Variants in ESD observed in about 807,000 individuals in gnomAD.
The protein encoded by ESD is S-formylglutathione hydrolase.
A neutral mutation model predicts 38.1 loss-of-function variants in ESD; 34 were observed. That is an observed-to-expected ratio of 0.89 (90% CI 0.68 to 1.19). ESD has a LOEUF of 1.19. Among genes scored for constraint, ESD ranks in the 50% most tolerant of loss-of-function variants. The probability of loss-of-function intolerance (pLI) is 0.00; values close to 1 mark genes in which losing one functional copy is unlikely to be tolerated. For synonymous variants in ESD, 97 were observed against 107.0 expected (o/e 0.91, Z 0.58); for missense variants, 334 against 327.2 (o/e 1.02, Z -0.16).
In ESD at chr13:46,778,753, A is replaced by G. The variant is rs549619249; in HGVS notation, c.601-1130T>C. 4.6e-5 allele frequency among the ~76,000 whole-genome samples: 7 copies of G among 151,950 alleles called. No individual in the cohort carries two copies. In the South Asian group the frequency reaches 6.2e-4, roughly 13 times the overall value. On this transcript the variant is annotated intron_variant, in intron 8 of 9. Coordinates refer to ENST00000378720, the MANE Select transcript of ESD (RefSeq NM_001984.2). ...ATGTACATGCAATGTCAGTTCTCAA[A>G]GGACCTAATCCTAAATCATTTCTAG...
rs1874836298 is a variant in ESD at position 46,777,464 on chromosome 13, A to G, written c.760T>C (p.Leu254=). ...TEKKIPVVFR[L]QEGYDHSYYF... The stretch of plus-strand genomic sequence containing the variant: ...AGTTTCCTAATACTTGCCTCTTGCA[A>G]TCGAAAAACAACGGGGATTTTCTTT... Residue 254 remains leucine, a synonymous_variant, in exon 9 of 10, where the codon TTG becomes CTG. Transcript: ENST00000378720. 1.2e-6 allele frequency: 2 copies of G among 1,603,168 alleles called. No homozygotes were observed. The highest frequency in any genetic ancestry group is 2.2e-5 in the East Asian group (1 of 44,722).
At chr13:46,776,672 T>C (rs1371046013) in intron 9 of ESD, 1 of 152,124 alleles carries the variant, frequency 6.6e-6, no homozygotes, top group African/African-American at 2.4e-5. Context: ...CATTACACAC[T>C]GATCTAGATT....
chr13:46,791,276 T>G lies in ESD; in HGVS notation c.68+70A>C, dbSNP rs534908517. 196 of 1,130,650 alleles carry G rather than the reference T, an allele frequency of 1.7e-4. 1 individual carries two copies. Among genetic ancestry groups the G allele is most frequent in the Middle Eastern group, 8.0e-4 (4 of 4,974 alleles). The allele number at this position is 1,130,650 out of a possible 1,614,324, so 70.0% of individuals were successfully genotyped here. Reference sequence around the variant, plus strand: ...AGGTACTATAATATCTAGATAAAGATTGGTTTTAAAATAGAACAAAATAAT... The same window carrying G: ...AGGTACTATAATATCTAGATAAAGAGTGGTTTTAAAATAGAACAAAATAAT... On this transcript the variant is annotated intron_variant, in intron 3 of 9. Transcript: ENST00000378720.
chr13:46,789,544 C>T (rs1246955082), intron 3 of ESD, among the ~76,000 whole-genome samples: 2 of 106,316 alleles, frequency 1.9e-5, no homozygotes, highest in Non-Finnish European at 4.3e-5. Flanking sequence ...ATCCATTGTA[C>T]TAGACAACTT....
At chr13:46,785,304 T>G (rs1007559419) in intron 4 of ESD, among the ~76,000 whole-genome samples, 29 of 151,980 alleles carry the variant, frequency 1.9e-4, no homozygotes, top group African/African-American at 6.8e-4. Flanking sequence ...ATTTCACCAG[T>G]TGAGAGAGAT....
At chr13:46,774,556 A>C (rs1486198159) in intron 9 of ESD, among the ~76,000 whole-genome samples, 2 of 152,160 alleles carry the variant, frequency 1.3e-5, no homozygotes, top group East Asian at 1.9e-4. Flanking sequence ...TCACACTTTA[A>C]ATGGAAAATC....
At chr13:46,787,181 C>A in intron 3 of ESD, 72 bp from the exon 4 acceptor site, 1 of 811,492 alleles carries the variant, frequency 1.2e-6, no homozygotes. Context: ...AATAATTATG[C>A]ACTATATAAA....
At chr13:46,786,213 T>C (rs1422945426) in intron 4 of ESD, among the ~76,000 whole-genome samples, 1 of 152,064 alleles carries the variant, frequency 6.6e-6, no homozygotes, top group African/African-American at 2.4e-5. Context: ...AGATATGCAC[T>C]TAATCTTTAC....
At chr13:46,781,365 C>T (rs1057354331) in intron 7 of ESD, 131 bp downstream of exon 7, 7 of 716,094 alleles carry the variant, frequency 9.8e-6, no homozygotes, top group African/African-American at 1.8e-5. Context: ...ACCCTTCAAA[C>T]ACCCCAAAGT....
chr13:46,780,491 G>A (rs1011207948), intron 7 of ESD, among the ~76,000 whole-genome samples: 1 of 151,630 alleles, frequency 6.6e-6, no homozygotes, highest in African/African-American at 2.4e-5. Context: ...ACAACTCTGT[G>A]TTCTATACAA....
intron 1 of ESD, among the ~76,000 whole-genome samples, chr13:46,794,188 A>C (rs566710243): frequency 2.0e-5 from 3 of 150,224 alleles, no homozygotes; most frequent in East Asian, 3.9e-4. Flanking sequence ...ACAACAACAA[A>C]AACAGAAAAA....
chr13:46,780,243 T>C (rs1874953123), intron 7 of ESD, among the ~76,000 whole-genome samples: 1 of 151,684 alleles, frequency 6.6e-6, no homozygotes, highest in African/African-American at 2.4e-5. Flanking sequence ...GTGTATTCTA[T>C]TAAGAGAGCT....
intron 4 of ESD, among the ~76,000 whole-genome samples, chr13:46,785,184 T>C (rs1015218263): frequency 3.9e-5 from 6 of 152,046 alleles, no homozygotes; most frequent in Non-Finnish European, 1.5e-5. Flanking sequence ...CCTAGCTCCA[T>C]GCTTTTCAGT....
At chr13:46,782,463 T>C (rs1345518542) in intron 6 of ESD, among the ~76,000 whole-genome samples, 1 of 151,820 alleles carries the variant, frequency 6.6e-6, no homozygotes, top group African/African-American at 2.4e-5. Context: ...TATAAACAGG[T>C]CTCAATATAA....
rs61147944 is a variant in ESD, at chr13:46,775,214, T to C, written c.768+2242A>G. On this transcript the variant is annotated intron_variant, in intron 9 of 9. Transcript: ENST00000378720. Reference sequence around the variant, plus strand: ...CAATTTAGATTCCCTGAAGCCAAAATAGAAAAAGAAAAAATTATATAAAAT... The same window carrying C: ...CAATTTAGATTCCCTGAAGCCAAAACAGAAAAAGAAAAAATTATATAAAAT... Among the ~76,000 whole-genome samples the C allele has an allele frequency of 3.6e-3, 544 of 151,716 alleles. 3 individuals are homozygous for C. Among genetic ancestry groups the C allele is most frequent in the African/African-American group, 0.012 (515 of 41,416 alleles).
At chr13:46,781,433 A>C in intron 7 of ESD, 63 bp downstream of exon 7, 1 of 1,421,040 alleles carries the variant, frequency 7.0e-7, no homozygotes. Context: ...TTACTCTTTG[A>C]AGGTTCCTAA....
At chr13:46,789,708 T>C (rs977524720) in intron 3 of ESD, among the ~76,000 whole-genome samples, 53 of 152,236 alleles carry the variant, frequency 3.5e-4, no homozygotes, top group Middle Eastern at 3.4e-3. Context: ...GATTTATCAC[T>C]TTTATCTTAT....
chr13:46,788,122 G>A (rs561191775), intron 3 of ESD, among the ~76,000 whole-genome samples: 3 of 152,000 alleles, frequency 2.0e-5, no homozygotes, highest in Admixed American at 2.0e-4. Flanking sequence ...AAGCCATGTA[G>A]TATATTAGCA....
upstream of ESD, among the ~76,000 whole-genome samples, chr13:46,797,399 T>A (rs746807286): frequency 6.6e-5 from 10 of 152,244 alleles, no homozygotes; most frequent in Non-Finnish European, 1.2e-4. Flanking sequence ...GTTAGGTTAG[T>A]CCCTGTCACC....
Sources: allele counts gnomAD v4.1 joint callset (sites outside exome capture counted in the v4.1 genomes callset), GRCh38; gene constraint gnomAD v4.1.1; transcripts MANE v1.5; gene names NCBI Gene and HGNC (gene_info 2026-07-23, HGNC 2026-07-21).